IPO5: variants seen among roughly 807,000 people sequenced by gnomAD.
IPO5 encodes importin 5.
A neutral mutation model predicts 143.3 loss-of-function variants in IPO5; 18 were observed. The observed-to-expected ratio is 0.13, with a 90% CI of 0.09 to 0.19. IPO5 has a LOEUF of 0.19. Among genes scored for constraint, IPO5 ranks in the 10% least tolerant of loss-of-function variants. The probability of loss-of-function intolerance (pLI) is 1.00; values close to 1 mark genes in which losing one functional copy is unlikely to be tolerated. For synonymous variants in IPO5, 477 were observed against 465.7 expected (o/e 1.02, Z -0.31); for missense variants, 1,013 against 1,336.9 (o/e 0.76, Z 3.78).
At chr13:97,976,650 T>G in intron 3 of IPO5, 43 bp from the exon 4 acceptor site, 4 of 938,358 alleles carry the variant, frequency 4.3e-6, no homozygotes, top group Non-Finnish European at 4.3e-6. Context: ...CGAGCGCGCC[T>G]CACGGCTCCT....
At chr13:97,960,425 G>A (rs1884769779) in intron 2 of IPO5, 1 of 152,138 alleles carries the variant, frequency 6.6e-6, no homozygotes, top group Non-Finnish European at 1.5e-5. Flanking sequence ...GTGAATGATA[G>A]GGGGAAAAAA....
At chr13:97,975,191 C>G (rs932507654) in intron 3 of IPO5, among the ~76,000 whole-genome samples, 1 of 132,976 alleles carries the variant, frequency 7.5e-6, no homozygotes, top group Non-Finnish European at 1.5e-5. Context: ...GTTTTTGTAG[C>G]TGGGCGCAGT....
chr13:98,016,495 T>A (rs1414076365), intron 24 of IPO5, among the ~76,000 whole-genome samples: 1 of 152,192 alleles, frequency 6.6e-6, no homozygotes, highest in East Asian at 1.9e-4. Flanking sequence ...TTGCAATAAA[T>A]ACAGTTCTTG....
intron 11 of IPO5, among the ~76,000 whole-genome samples, chr13:97,996,459 A>G (rs764684216): frequency 3.3e-5 from 5 of 152,314 alleles, no homozygotes; most frequent in Non-Finnish European, 5.9e-5. Context: ...GACAGTATCA[A>G]TTGTTAATAA....
chr13:97,989,852 C>G (rs1214812663), intron 7 of IPO5, among the ~76,000 whole-genome samples: 1 of 152,192 alleles, frequency 6.6e-6, no homozygotes, highest in African/African-American at 2.4e-5. Flanking sequence ...CACTCCAGGT[C>G]AGCTTTCGAC....
intron 12 of IPO5, among the ~76,000 whole-genome samples, chr13:98,000,198 T>C (rs550757967): frequency 7.2e-5 from 11 of 151,814 alleles, no homozygotes; most frequent in Admixed American, 6.6e-4. Context: ...GGTAGGAGAA[T>C]AGCATGAAGC....
At chr13:97,998,283 A>G (rs777666095) in intron 12 of IPO5, among the ~76,000 whole-genome samples, 24 of 152,138 alleles carry the variant, frequency 1.6e-4, no homozygotes, top group African/African-American at 3.4e-4. Flanking sequence ...CCAAGTATCT[A>G]TGTTTTTAAC....
chr13:97,965,184 C>T (rs1413858839), intron 2 of IPO5, among the ~76,000 whole-genome samples: 2 of 152,064 alleles, frequency 1.3e-5, no homozygotes, highest in African/African-American at 4.8e-5. Flanking sequence ...ACACCAGGGC[C>T]TGTCGGGGGG....
chr13:97,980,638 GC>G (rs1886761173), intron 4 of IPO5, among the ~76,000 whole-genome samples: 1 of 151,540 alleles, frequency 6.6e-6, no homozygotes, highest in Non-Finnish European at 1.5e-5. Flanking sequence ...GACCAGCCTG[GC>G]CAAGATGGTG....
chr13:98,004,820 G>C (rs1025528285), intron 16 of IPO5, among the ~76,000 whole-genome samples: 2 of 152,150 alleles, frequency 1.3e-5, no homozygotes, highest in African/African-American at 4.8e-5. Flanking sequence ...TGTAATTGAC[G>C]TGGGGAATTA....
chr13:98,017,780 A>G (rs1890224765), intron 25 of IPO5, among the ~76,000 whole-genome samples: 1 of 151,828 alleles, frequency 6.6e-6, no homozygotes, highest in African/African-American at 2.4e-5. Flanking sequence ...ATAATGGCCT[A>G]TGTGTATTCA....
intron 4 of IPO5, among the ~76,000 whole-genome samples, chr13:97,979,568 A>G (rs568899110): frequency 2.1e-4 from 32 of 152,386 alleles, no homozygotes; most frequent in Middle Eastern, 3.4e-3. Context: ...TACAGTATTC[A>G]TGGTATTTAT....
chr13:98,021,530 T>C, intron 28 of IPO5: 1 of 407,378 alleles, frequency 2.5e-6, no homozygotes, highest in Non-Finnish European at 4.4e-6. Flanking sequence ...TGTAGCTTTT[T>C]CAGTGCAAAA....
At position 98,023,936 on chromosome 13, in the gene IPO5, A is replaced by G. The variant is rs767303199; in HGVS notation, c.*2114A>G. 2.6e-5 allele frequency: 4 copies of G among 152,192 alleles called. No individual in the cohort carries two copies. The highest frequency in any genetic ancestry group is 5.9e-5 in the Non-Finnish European group (4 of 68,036). 9.4% of individuals were successfully genotyped at this position (152,192 alleles called of 1,614,324 possible). A position where few individuals can be genotyped will look rare whatever the true frequency, so the allele number is the denominator to read the frequency against. ...CCTGCAGAAGCATTTTTAATACCTCATTCTGTCTATGCAAGATGAAAATCC... is the reference window on the plus strand; with the variant it reads ...CCTGCAGAAGCATTTTTAATACCTCGTTCTGTCTATGCAAGATGAAAATCC... On this transcript the variant is annotated 3_prime_UTR_variant, in exon 29 of 29. Transcript: ENST00000651721.
intron 13 of IPO5, 71 bp downstream of exon 13, chr13:98,000,716 T>G: frequency 1.1e-6 from 1 of 939,468 alleles, no homozygotes; most frequent in Non-Finnish European, 1.7e-6. Flanking sequence ...CTAAGATATG[T>G]TTAGACTGTT....
chr13:97,954,732 A>G (rs1357249323), intron 2 of IPO5, among the ~76,000 whole-genome samples: 1 of 152,212 alleles, frequency 6.6e-6, no homozygotes. Flanking sequence ...AAAGTATTAG[A>G]TACCAGGGAC....
In IPO5 at chr13:98,021,018, A is replaced by G. The variant is rs1594139789; in HGVS notation, c.3092A>G (p.Asn1031Ser). ...AATCATCCAATTGTTCTTGGCCCAA[A>G]CAATACCAATCTGCCCAAAATATTT... is the stretch of plus-strand genomic sequence containing the variant. The part of the protein sequence containing the change: ...ESNHPIVLGP[N>S]NTNLPKIFSI... The change falls in exon 28 of 29, where the codon AAC becomes AGC. Residue 1031 changes from asparagine (N) to serine (S), a missense_variant. Physicochemically the swap from Asn to Ser is conservative, Grantham distance 46. Around this residue, in one of 2 missense-constraint regions of IPO5, gnomAD observed 685 missense variants for 994.9 expected, o/e 0.69. Coordinates refer to ENST00000651721, the MANE Select transcript of IPO5 (RefSeq NM_002271.6). 2 of 1,609,716 alleles carry G rather than the reference A, an allele frequency of 1.2e-6. No individual in the cohort carries two copies. The highest frequency in any genetic ancestry group is 2.2e-5 in the East Asian group (1 of 44,522).
chr13:97,965,755 T>G (rs865820343), intron 2 of IPO5, among the ~76,000 whole-genome samples: 2 of 146,688 alleles, frequency 1.4e-5, no homozygotes, highest in Non-Finnish European at 3.0e-5. Flanking sequence ...TTCTAATAGT[T>G]TGTGTGTGTG....
At chr13:98,007,262 A>G (rs1021777227) in intron 17 of IPO5, 1 of 152,294 alleles carries the variant, frequency 6.6e-6, no homozygotes, top group Non-Finnish European at 1.5e-5. Context: ...GTCAGTATCC[A>G]TGTTCGTTCC....
Sources: allele counts gnomAD v4.1 joint callset (sites outside exome capture counted in the v4.1 genomes callset), GRCh38; gene constraint gnomAD v4.1.1; regional missense constraint gnomAD v4.1.1; transcripts MANE v1.5; gene names NCBI Gene and HGNC (gene_info 2026-07-23, HGNC 2026-07-21).